Variants in CES1 observed in about 807,000 individuals in gnomAD.
The protein encoded by CES1 is liver carboxylesterase 1.
In CES1, 50 loss-of-function variants were observed where a neutral mutation model predicts 53.0. The ratio of observed to expected loss-of-function variants is 0.94; its 90% CI spans 0.75 to 1.19. The LOEUF (loss-of-function observed/expected upper bound fraction) is 1.19, where lower values mean the gene tolerates loss of function less well. Among genes scored for constraint, CES1 ranks in the 50% most tolerant of loss-of-function variants. CES1 has a pLI of 0.00. For synonymous variants in CES1, 202 were observed against 210.1 expected, an observed-to-expected ratio of 0.96 and a Z score of 0.33; for missense variants, 534 against 538.0, an observed-to-expected ratio of 0.99 and a Z score of 0.07.
At chr16:55,817,078 A>G in intron 7 of CES1, 116 bp from the exon 8 acceptor site, 1 of 1,123,300 alleles carries the variant, frequency 8.9e-7, no homozygotes, top group Non-Finnish European at 1.4e-6. Flanking sequence ...GAATTCGTAT[A>G]TCTATATGTG....
intron 7 of CES1, 80 bp downstream of exon 7, chr16:55,819,455 C>T: frequency 9.7e-7 from 1 of 1,027,254 alleles, no homozygotes; most frequent in Non-Finnish European, 1.5e-6. Context: ...AGGAAACTGT[C>T]CCTGGGCAAG....
Position 55,833,066 on chromosome 16 carries a change from C to T in CES1, c.-11G>A, listed in dbSNP as rs371201682. The T allele has an allele frequency of 2.4e-5, 38 of 1,558,700 alleles. 2 individuals are homozygous for T. The highest frequency in any genetic ancestry group is 3.2e-5 in the Non-Finnish European group (36 of 1,137,898). Reference sequence around the variant, plus strand: ...GGCACGGAGCCACATCGTGGAAGGGCGACAGTTCTCGGGGCCTGCGAGGTC... The same window carrying T: ...GGCACGGAGCCACATCGTGGAAGGGTGACAGTTCTCGGGGCCTGCGAGGTC... On this transcript the variant is annotated 5_prime_UTR_variant, in exon 1 of 14. Transcript: ENST00000360526.
chr16:55,821,604 T>A, intron 4 of CES1, 83 bp from the exon 5 acceptor site: 1 of 1,446,744 alleles, frequency 6.9e-7, no homozygotes, highest in Non-Finnish European at 9.7e-7. Context: ...CTAGGGGTTC[T>A]CAGTGAACCC....
intron 3 of CES1, among the ~76,000 whole-genome samples, chr16:55,824,149 C>A (rs1248728352): frequency 1.3e-5 from 2 of 151,796 alleles, no homozygotes; most frequent in African/African-American, 4.8e-5. Context: ...GAGAAGCACA[C>A]GTGCCTGTGA....
intron 1 of CES1, among the ~76,000 whole-genome samples, chr16:55,830,803 A>AAGGAAGGAAGGAAGGAAGGAAGGGAGGG (rs1555514148): frequency 2.8e-5 from 4 of 145,394 alleles, no homozygotes; most frequent in African/African-American, 1.0e-4. Context: ...GGAAGGAAGG[A>AAGGAAGGAAGGAAGGAAGGAAGGGAGGG]AGGAAGGAAG....
chr16:55,825,033 A>G (rs1486619684), intron 3 of CES1, among the ~76,000 whole-genome samples: 1 of 152,132 alleles, frequency 6.6e-6, no homozygotes, highest in Non-Finnish European at 1.5e-5. Flanking sequence ...GCCTGCAATA[A>G]AGTGCTGAAG....
intron 9 of CES1, among the ~76,000 whole-genome samples, chr16:55,812,185 C>T (rs1441088230): frequency 1.3e-5 from 2 of 152,230 alleles, no homozygotes; most frequent in African/African-American, 4.8e-5. Context: ...TTATCTTCAA[C>T]TGGAAGGAGA....
chr16:55,826,397 C>G, intron 2 of CES1, 102 bp from the exon 3 acceptor site: 1 of 1,400,936 alleles, frequency 7.1e-7, no homozygotes, highest in Non-Finnish European at 1.0e-6. Flanking sequence ...TGGAAATGGA[C>G]TTGATAGTTA....
chr16:55,824,824 A>G (rs2032353889), intron 3 of CES1, among the ~76,000 whole-genome samples: 1 of 152,228 alleles, frequency 6.6e-6, no homozygotes, highest in South Asian at 2.1e-4. Flanking sequence ...GAAACTCCCA[A>G]GTCTCTCAGC....
chr16:55,823,203 A>C (rs28549729), intron 4 of CES1, among the ~76,000 whole-genome samples: 104,697 of 140,824 alleles, frequency 0.74, 39,704 homozygotes, highest in Non-Finnish European at 0.83. Flanking sequence ...TGCTGGGCTG[A>C]CTGCTAAGTG....
At chr16:55,826,780 A>G (rs1421058627) in intron 2 of CES1, among the ~76,000 whole-genome samples, 2 of 152,176 alleles carry the variant, frequency 1.3e-5, no homozygotes, top group Non-Finnish European at 2.9e-5. Flanking sequence ...CAGCCCTGAC[A>G]TGCCAAGATT....
chr16:55,830,819 A>AAGGAAGGC (rs1454708070), intron 1 of CES1, among the ~76,000 whole-genome samples: 2,114 of 126,794 alleles, frequency 0.017, 47 homozygotes, highest in African/African-American at 0.028. Context: ...GGAAGGAAGG[A>AAGGAAGGC]AGGCAGGCAG....
chr16:55,819,632 G>C lies in CES1; in HGVS notation c.809C>G (p.Ala270Gly). 2.5e-6 allele frequency: 4 copies of C among 1,612,506 alleles called. No homozygotes were observed. Among genetic ancestry groups the C allele is most frequent in the Non-Finnish European group, 3.4e-6 (4 of 1,178,578 alleles). ...GDVKPLAEQI[A>G]ITAGCKTTTS... ...GGTGGTTTTGCACCCAGCAGTGATA[G>C]CAATTTGCTGCAAAGATCACAGGCA... Residue 270 changes from alanine (A) to glycine (G), a missense_variant, in exon 7 of 14, where the codon GCT becomes GGT. Around this residue, in one of 5 missense-constraint regions of CES1, gnomAD observed 269 missense variants for 206.6 expected, o/e 1.30. Transcript: ENST00000360526.
chr16:55,821,514 C>T lies in CES1; in HGVS notation c.547G>A (p.Asp183Asn), dbSNP rs1359794101. The part of the protein sequence containing the change: ...LGIWGFFSTG[D>N]EHSRGNWGHL... The stretch of plus-strand genomic sequence containing the variant: ...CCCCAGTTCCCCCGGCTGTGTTCAT[C>T]CCCTGTGCTGTGAGGAAGAGAACAG... The change falls in exon 5 of 14, where the codon GAT (aspartate) becomes AAT (asparagine). Residue 183 changes from aspartate (D) to asparagine (N), a missense_variant. Coordinates refer to ENST00000360526, the MANE Select transcript of CES1 (RefSeq NM_001025195.2). The T allele has an allele frequency of 6.2e-7, 1 of 1,614,184 alleles. No individual in the cohort carries two copies. Among genetic ancestry groups the T allele is most frequent in the East Asian group, 2.2e-5 (1 of 44,886 alleles).
intron 3 of CES1, among the ~76,000 whole-genome samples, chr16:55,824,538 G>A (rs2032342971): frequency 6.6e-6 from 1 of 152,214 alleles, no homozygotes; most frequent in Non-Finnish European, 1.5e-5. Context: ...TTATCCAGGT[G>A]GGAAAATGGA....
intron 7 of CES1, 92 bp from the exon 8 acceptor site, chr16:55,817,054 C>T: frequency 1.5e-6 from 2 of 1,323,536 alleles, no homozygotes; most frequent in African/African-American, 1.5e-5. Context: ...CAGGTTCTTC[C>T]CGCATCACTC....
At chr16:55,826,728 C>T (rs1318303721) in intron 2 of CES1, among the ~76,000 whole-genome samples, 3 of 152,150 alleles carry the variant, frequency 2.0e-5, no homozygotes, top group Admixed American at 6.5e-5. Context: ...CGTCCCAATC[C>T]GCCAGGTCTA....
chr16:55,813,948 C>T (rs1369988077), intron 8 of CES1, among the ~76,000 whole-genome samples: 2 of 152,208 alleles, frequency 1.3e-5, no homozygotes, highest in Non-Finnish European at 1.5e-5. Context: ...ATCCAGCTTC[C>T]CCTGCTCTGT....
intron 11 of CES1, among the ~76,000 whole-genome samples, chr16:55,808,503 A>G (rs543437891): frequency 6.6e-6 from 1 of 152,306 alleles, no homozygotes; most frequent in South Asian, 2.1e-4. Flanking sequence ...TAATCTTAGC[A>G]TCCCAAATGA....
Sources: allele counts gnomAD v4.1 joint callset (sites outside exome capture counted in the v4.1 genomes callset), GRCh38; gene constraint gnomAD v4.1.1; regional missense constraint gnomAD v4.1.1; transcripts MANE v1.5; gene names NCBI Gene and HGNC (gene_info 2026-07-23, HGNC 2026-07-21).